Variants in PAK2 observed in about 807,000 individuals in gnomAD.
PAK2 encodes serine/threonine-protein kinase PAK 2.
In PAK2, 21 loss-of-function variants were observed where a neutral mutation model predicts 65.9. The ratio of observed to expected loss-of-function variants is 0.32; its 90% CI spans 0.23 to 0.46. PAK2 has a LOEUF of 0.46. PAK2 is among the 20% of genes least tolerant of loss of function. PAK2 has a pLI of 1.00. For missense variants in PAK2, 324 were observed against 642.6 expected, an observed-to-expected ratio of 0.50 and a Z score of 5.36; for synonymous variants, 204 against 219.7, an observed-to-expected ratio of 0.93 and a Z score of 0.63.
chr3:196,780,276 T>C (rs1381222229), intron 1 of PAK2, among the ~76,000 whole-genome samples: 1 of 152,232 alleles, frequency 6.6e-6, no homozygotes, highest in East Asian at 1.9e-4. Context: ...TCTCTTAGTC[T>C]GTTTTCATGC....
At chr3:196,812,612 G>T (rs1456872710) in intron 9 of PAK2, 127 bp from the exon 10 acceptor site, 2 of 601,994 alleles carry the variant, frequency 3.3e-6, no homozygotes, top group Non-Finnish European at 5.9e-6. Context: ...GCAAGGCAAG[G>T]TGCCACCTGG....
chr3:196,804,761 G>A (rs538424752), intron 4 of PAK2, among the ~76,000 whole-genome samples: 172 of 151,774 alleles, frequency 1.1e-3, no homozygotes, highest in South Asian at 1.9e-3. Flanking sequence ...GAGCCACCGC[G>A]CCCGGCCTGT....
intron 8 of PAK2, among the ~76,000 whole-genome samples, chr3:196,811,501 C>T (rs1715823731): frequency 1.4e-5 from 2 of 147,554 alleles, no homozygotes; most frequent in Non-Finnish European, 3.0e-5. Context: ...TCTGCCTCAG[C>T]CTCCCAAAGT....
intron 13 of PAK2, 40 bp from the exon 14 acceptor site, chr3:196,827,156 A>AGCTATCT (rs1711906096): frequency 2.1e-6 from 3 of 1,443,728 alleles, no homozygotes; most frequent in Non-Finnish European, 2.9e-6. Flanking sequence ...GACCGTGTTG[A>AGCTATCT]GCTATCTTAA....
intron 1 of PAK2, among the ~76,000 whole-genome samples, chr3:196,751,704 T>A (rs144146286): frequency 0.035 from 3,955 of 112,094 alleles, 546 homozygotes; most frequent in Non-Finnish European, 0.053. Flanking sequence ...TAATTCAGGC[T>A]ATATATAAAA....
intron 13 of PAK2, 48 bp from the exon 14 acceptor site, chr3:196,827,148 C>T (rs1243068990): frequency 7.5e-7 from 1 of 1,329,082 alleles, no homozygotes; most frequent in Non-Finnish European, 1.0e-6. Flanking sequence ...TGCTCTGTGA[C>T]CGTGTTGAGC....
Position 196,806,650 on chromosome 3 carries a change from T to C in PAK2, c.540T>C (p.Pro180=), listed in dbSNP as rs757278851. The C allele has an allele frequency of 6.2e-6, 10 of 1,612,544 alleles. No individual in the cohort carries two copies. Among genetic ancestry groups the C allele is most frequent in the Non-Finnish European group, 8.5e-6 (10 of 1,178,622 alleles). The change falls in exon 6 of 15, where the codon CCT becomes CCC. Residue 180 remains proline, a synonymous_variant. Coordinates refer to ENST00000327134, the MANE Select transcript of PAK2 (RefSeq NM_002577.4). ...EEEDDDEETA[P]PVIAPRPDHT... is the part of the protein sequence containing the mutation. ...AGGATGATGATGAAGAGACTGCTCC[T>C]CCCGTTATTGCCCCGCGACCGGATC...
rs147946372 is a variant in PAK2 at position 196,808,087 on chromosome 3, C to T, written c.709+173C>T. Reference sequence around the variant, plus strand: ...ATCTGGTGATGTCACCAGGTTCACCCCTAAATCCCAGCACTAGGTCAGGAG... The same window carrying T: ...ATCTGGTGATGTCACCAGGTTCACCTCTAAATCCCAGCACTAGGTCAGGAG... On this transcript the variant is annotated intron_variant, in intron 7 of 14. Coordinates refer to ENST00000327134, the MANE Select transcript of PAK2 (RefSeq NM_002577.4). 3.3e-5 allele frequency: 18 copies of T among 548,072 alleles called. No homozygotes were observed. The East Asian group carries it at 5.5e-4, about 17-fold the overall frequency. 34.0% of individuals were successfully genotyped at this position (548,072 alleles called of 1,614,324 possible). A position where few individuals can be genotyped will look rare whatever the true frequency, so the allele number is the denominator to read the frequency against.
intron 13 of PAK2, among the ~76,000 whole-genome samples, chr3:196,825,992 T>C (rs1002019161): frequency 2.8e-5 from 4 of 144,256 alleles, no homozygotes; most frequent in Admixed American, 1.4e-4. Context: ...TACAGGCATG[T>C]GCCACCACAC....
rs189118527 is a variant in PAK2, at chr3:196,782,800, A to G, written c.154A>G (p.Lys52Glu). ...TCCAGAAGAGAAAAAGCCCAGGCAT[A>G]AAATCATCTCCATATTCTCAGGCAC... is the stretch of plus-strand genomic sequence containing the variant. ...SVPEEKKPRH[K>E]IISIFSGTEK... Residue 52 changes from lysine to glutamate, a missense_variant, in exon 2 of 15, where the codon AAA becomes GAA. Physicochemically the swap from Lys to Glu is moderately conservative, Grantham distance 56. Coordinates refer to ENST00000327134, the MANE Select transcript of PAK2 (RefSeq NM_002577.4). 1 of 1,613,150 alleles carries G rather than the reference A, an allele frequency of 6.2e-7. No homozygotes were observed. Among genetic ancestry groups the G allele is most frequent in the Admixed American group, 1.7e-5 (1 of 59,802 alleles).
At chr3:196,792,590 G>C (rs1371114136) in intron 2 of PAK2, among the ~76,000 whole-genome samples, 1 of 152,028 alleles carries the variant, frequency 6.6e-6, no homozygotes, top group Non-Finnish European at 1.5e-5. Context: ...AAGTATTATT[G>C]TGTTTCCTAC....
chr3:196,745,535 C>T (rs1234734568), intron 1 of PAK2, among the ~76,000 whole-genome samples: 2 of 151,882 alleles, frequency 1.3e-5, no homozygotes, highest in African/African-American at 2.4e-5. Flanking sequence ...AATATTTGGC[C>T]GGGTGCAGTG....
chr3:196,808,375 G>A (rs1395459767), intron 7 of PAK2, among the ~76,000 whole-genome samples: 2 of 150,700 alleles, frequency 1.3e-5, no homozygotes, highest in African/African-American at 4.9e-5. Flanking sequence ...ATCCTGGCCA[G>A]TATGGTGAAA....
At chr3:196,811,351 T>C (rs1032420392) in intron 8 of PAK2, among the ~76,000 whole-genome samples, 1,116 of 78,030 alleles carry the variant, frequency 0.014, 15 homozygotes, top group South Asian at 0.02. Flanking sequence ...CCTCCCTTCC[T>C]TCCCTCCCTT....
intron 1 of PAK2, among the ~76,000 whole-genome samples, chr3:196,752,594 A>ATTTG (rs572372163): frequency 1.5e-4 from 23 of 151,156 alleles, no homozygotes; most frequent in East Asian, 3.9e-4. Context: ...TGTTTTATTT[A>ATTTG]TTTGTTTGTT....
chr3:196,761,225 G>A (rs1201982979), intron 1 of PAK2, among the ~76,000 whole-genome samples: 1 of 125,754 alleles, frequency 8.0e-6, no homozygotes, highest in Non-Finnish European at 1.7e-5. Flanking sequence ...GCAGGGTCAT[G>A]GGACAATAGT....
Position 196,820,682 on chromosome 3 carries a change from A to G in PAK2, c.1350+115A>G. On this transcript the variant is annotated intron_variant, in intron 13 of 14. Coordinates refer to ENST00000327134, the MANE Select transcript of PAK2 (RefSeq NM_002577.4). The surrounding 1 kb of genome is among the most constrained non-coding windows in gnomAD (Gnocchi z 4.6). ...TAAAGTAGAAGGTTGATAAAACCTA[A>G]TCTCTGCCCCTAACTCTGCATCTAG... 2 of 517,128 alleles carry G rather than the reference A, an allele frequency of 3.9e-6. No individual in the cohort carries two copies. Among genetic ancestry groups the G allele is most frequent in the Non-Finnish European group, 3.4e-6 (1 of 293,344 alleles). The allele number at this position is 517,128 out of a possible 1,614,324, so 32.0% of individuals were successfully genotyped here.
chr3:196,795,292 C>CAAAA (rs55963334), intron 2 of PAK2, among the ~76,000 whole-genome samples: 1 of 136,116 alleles, frequency 7.3e-6, no homozygotes, highest in Non-Finnish European at 1.6e-5. Flanking sequence ...CCCATCTCTA[C>CAAAA]AAAAAAAAAA....
At chr3:196,740,642 T>C (rs896027474) in intron 1 of PAK2, among the ~76,000 whole-genome samples, 2 of 152,162 alleles carry the variant, frequency 1.3e-5, no homozygotes, top group Admixed American at 6.5e-5. Context: ...TTGACTGTTT[T>C]CTCAGCTCCA....
Sources: allele counts gnomAD v4.1 joint callset (sites outside exome capture counted in the v4.1 genomes callset), GRCh38; gene constraint gnomAD v4.1.1; non-coding constraint Gnocchi (gnomAD v3.1); transcripts MANE v1.5; gene names NCBI Gene and HGNC (gene_info 2026-07-23, HGNC 2026-07-21).